COL11A1: variants seen among roughly 807,000 people sequenced by gnomAD.
COL11A1 encodes collagen alpha-1(XI) chain.
COL11A1 carries 74 observed loss-of-function variants against 265.2 expected under a neutral mutation model. The observed-to-expected ratio is 0.28, with a 90% CI of 0.23 to 0.34. The LOEUF (loss-of-function observed/expected upper bound fraction) is 0.34, where lower values mean the gene tolerates loss of function less well. Among genes scored for constraint, COL11A1 ranks in the 10% least tolerant of loss-of-function variants. The probability of loss-of-function intolerance (pLI) is 1.00; values close to 1 mark genes in which losing one functional copy is unlikely to be tolerated. For synonymous variants in COL11A1, 816 were observed against 727.6 expected (o/e 1.12, Z -1.96); for missense variants, 2,165 against 2,263.6 (o/e 0.96, Z 0.88).
intron 1 of COL11A1, among the ~76,000 whole-genome samples, chr1:103,098,533 C>A (rs77079062): frequency 1.6e-3 from 249 of 151,884 alleles, no homozygotes; most frequent in African/African-American, 5.9e-3. Flanking sequence ...GACCCCAGTC[C>A]TCTTGACTTT....
chr1:102,920,471 TTC>T (rs1655858296), intron 48 of COL11A1, 107 bp from the exon 49 acceptor site: 2 of 912,336 alleles, frequency 2.2e-6, no homozygotes, highest in African/African-American at 3.3e-5. Context: ...TGCATGAGTA[TTC>T]TTAGTCATTT....
Position 103,012,417 on chromosome 1 carries a change from G to C in COL11A1, c.1625C>G (p.Pro542Arg), listed in dbSNP as rs1666208127. Residue 542 changes from proline (P) to arginine (R), a missense_variant, in exon 14 of 67, where the codon CCT (proline) becomes CGT (arginine). Physicochemically the swap from Pro to Arg is moderately radical, Grantham distance 103. Transcript: ENST00000370096. ...ATCTTTGTTGGGGTAACCTACCACA[G>C]GACCTGGTCTTCCAGTTAGACCCAT... ...GPMGLTGRPG[P>R]VGGPGSSGAK... 1.2e-6 allele frequency: 2 copies of C among 1,612,738 alleles called. No homozygotes were observed. Among genetic ancestry groups the C allele is most frequent in the Non-Finnish European group, 1.7e-6 (2 of 1,179,002 alleles).
intron 9 of COL11A1, among the ~76,000 whole-genome samples, chr1:103,020,086 T>G (rs561912586): frequency 6.6e-6 from 1 of 151,742 alleles, no homozygotes; most frequent in East Asian, 2.0e-4. Flanking sequence ...TGATTTATAG[T>G]CCTTTGGGTA....
rs111980222 is a variant in COL11A1 at position 102,914,930 on chromosome 1, G to A, written c.3817-119C>T. The A allele has an allele frequency of 0.069, 54,635 of 797,380 alleles. 2,294 individuals carry two copies. Among genetic ancestry groups the A allele is most frequent in the Non-Finnish European group, 0.084 (41,740 of 495,590 alleles). The allele number at this position is 797,380 out of a possible 1,614,324, so 49.4% of individuals were successfully genotyped here. A position where few individuals can be genotyped will look rare whatever the true frequency, so the allele number is the denominator to read the frequency against. On this transcript the variant is annotated intron_variant, in intron 50 of 66. Transcript: ENST00000370096. The stretch of plus-strand genomic sequence containing the variant: ...CCAGAATATATTTTTTTTTTAGACG[G>A]AATATCACTTTGTCACCAAGTTGGA...
intron 46 of COL11A1, among the ~76,000 whole-genome samples, chr1:102,927,325 A>G (rs1173159666): frequency 2.0e-5 from 3 of 152,140 alleles, no homozygotes; most frequent in Admixed American, 6.6e-5. Flanking sequence ...CTTTCCGTGG[A>G]TCACTAGGAA....
chr1:102,901,089 G>T (rs1356497672), intron 54 of COL11A1, among the ~76,000 whole-genome samples: 2 of 152,030 alleles, frequency 1.3e-5, no homozygotes, highest in African/African-American at 4.8e-5. Context: ...GGAGACCAAG[G>T]CAGGCGGATC....
intron 1 of COL11A1, among the ~76,000 whole-genome samples, chr1:103,085,219 T>C (rs1479135958): frequency 1.3e-5 from 2 of 152,264 alleles, no homozygotes; most frequent in African/African-American, 4.8e-5. Context: ...CAGATTTTTA[T>C]TTGATAACAA....
intron 49 of COL11A1, among the ~76,000 whole-genome samples, chr1:102,917,907 A>G (rs1214787784): frequency 3.3e-5 from 5 of 151,688 alleles, no homozygotes; most frequent in Admixed American, 1.3e-4. Flanking sequence ...TCCAAAATAT[A>G]TGAAAACTAC....
intron 36 of COL11A1, among the ~76,000 whole-genome samples, chr1:102,974,179 A>AAAC (rs1557890802): frequency 3.3e-5 from 5 of 151,646 alleles, no homozygotes; most frequent in African/African-American, 1.2e-4. Context: ...AGGAGGTTGC[A>AAAC]AAACAAACAA....
At chr1:102,884,424 GCAGCTGGTGC>G (rs1461950846) in intron 63 of COL11A1, 1 of 152,346 alleles carries the variant, frequency 6.6e-6, no homozygotes, top group South Asian at 2.1e-4. Context: ...ACAATTGGTT[GCAGCTGGTGC>G]CAGGGAATGG....
At chr1:102,972,708 C>A (rs527381050) in intron 36 of COL11A1, among the ~76,000 whole-genome samples, 1 of 152,202 alleles carries the variant, frequency 6.6e-6, no homozygotes, top group African/African-American at 2.4e-5. Flanking sequence ...ACAAATTCAT[C>A]TAAATGAGGG....
chr1:103,029,094 A>G (rs1332376546), intron 5 of COL11A1, among the ~76,000 whole-genome samples: 1 of 152,116 alleles, frequency 6.6e-6, no homozygotes, highest in African/African-American at 2.4e-5. Context: ...TGTCAAGCAT[A>G]TAACAATGTG....
At chr1:102,948,997 GAAGAAGAGC>G (rs1237639368) in intron 41 of COL11A1, among the ~76,000 whole-genome samples, 7 of 151,988 alleles carry the variant, frequency 4.6e-5, no homozygotes, top group South Asian at 2.1e-4. Context: ...AGGTGGATAA[GAAGAAGAGC>G]AAGAAGAGCA....
At chr1:102,971,334 A>G (rs1267398635) in intron 36 of COL11A1, among the ~76,000 whole-genome samples, 1 of 152,202 alleles carries the variant, frequency 6.6e-6, no homozygotes, top group Non-Finnish European at 1.5e-5. Flanking sequence ...TTAAATACTT[A>G]GTAGAAAGAA....
chr1:103,065,569 C>CA (rs752434725), intron 4 of COL11A1, among the ~76,000 whole-genome samples: 10,699 of 48,042 alleles, frequency 0.22, 539 homozygotes, highest in South Asian at 0.37. Flanking sequence ...AACAAACAAA[C>CA]AAACAAAAAA....
At chr1:102,981,973 T>A (rs896130899) in intron 31 of COL11A1, among the ~76,000 whole-genome samples, 2 of 151,678 alleles carry the variant, frequency 1.3e-5, no homozygotes, top group Non-Finnish European at 2.9e-5. Flanking sequence ...AAAAAAAAAA[T>A]TTAAATTTAT....
At chr1:103,013,190 C>A (rs1666270700) in intron 13 of COL11A1, among the ~76,000 whole-genome samples, 1 of 151,782 alleles carries the variant, frequency 6.6e-6, no homozygotes, top group South Asian at 2.1e-4. Context: ...ACAAAGATAT[C>A]AAAAATAATA....
intron 29 of COL11A1, among the ~76,000 whole-genome samples, chr1:102,988,752 A>G (rs1370475979): frequency 1.3e-5 from 2 of 152,134 alleles, no homozygotes; most frequent in East Asian, 1.9e-4. Context: ...GAGAGGGAAA[A>G]ATAATAATAA....
intron 54 of COL11A1, among the ~76,000 whole-genome samples, chr1:102,903,465 T>C (rs1653495006): frequency 6.6e-6 from 1 of 152,210 alleles, no homozygotes; most frequent in South Asian, 2.1e-4. Flanking sequence ...TGTGGCTTTT[T>C]TATTGTTTCC....
Sources: gnomAD v4.1 joint callset for allele counts (sites outside exome capture counted in the v4.1 genomes callset) on GRCh38, gnomAD v4.1.1 for gene constraint, MANE v1.5 for transcripts, NCBI Gene and HGNC (gene_info 2026-07-23, HGNC 2026-07-21) for gene names.